MCTP1: variants seen among roughly 807,000 people sequenced by gnomAD.
The protein encoded by MCTP1 is multiple C2 and transmembrane domain-containing protein 1.
MCTP1 carries 69 observed loss-of-function variants against 120.6 expected under a neutral mutation model. The observed-to-expected ratio is 0.57, with a 90% confidence interval of 0.47 to 0.70. The LOEUF (loss-of-function observed/expected upper bound fraction) is 0.70. MCTP1 is among the 30% of genes least tolerant of loss of function. The probability of loss-of-function intolerance (pLI) is 0.00; values close to 1 mark genes in which losing one functional copy is unlikely to be tolerated. For synonymous variants in MCTP1, 529 were observed against 493.1 expected, an observed-to-expected ratio of 1.07 and a Z score of -0.96; for missense variants, 1,203 against 1,248.8, an observed-to-expected ratio of 0.96 and a Z score of 0.55.
chr5:94,897,823 C>A (rs1804472048), intron 10 of MCTP1, among the ~76,000 whole-genome samples: 1 of 152,154 alleles, frequency 6.6e-6, no homozygotes, highest in Admixed American at 6.5e-5. Flanking sequence ...GATCTTCTCC[C>A]TCCTCCCAAA....
chr5:94,969,087 A>AT (rs984197637), intron 2 of MCTP1, among the ~76,000 whole-genome samples: 4 of 152,152 alleles, frequency 2.6e-5, no homozygotes, highest in African/African-American at 7.2e-5. Context: ...GGAAATATCA[A>AT]TTTTTTCTAA....
chr5:94,886,615 C>T (rs1199849461), intron 12 of MCTP1, among the ~76,000 whole-genome samples: 1 of 152,120 alleles, frequency 6.6e-6, no homozygotes. Flanking sequence ...AGACAGTTAC[C>T]AGTGATTTAA....
rs192598041 is a variant in MCTP1, at chr5:95,092,078, T to C, written c.721-74594A>G. On this transcript the variant is annotated intron_variant, in intron 1 of 22. Transcript: ENST00000515393. ...GTAGAAGCAGAACATTTCACAAAAC[T>C]ATCATTTCTGATAATGTGGAAATTA... is the stretch of plus-strand genomic sequence containing the variant. Among the ~76,000 whole-genome samples the C allele has an allele frequency of 1.2e-3, 189 of 152,350 alleles. 1 individual carries two copies. The highest frequency in any genetic ancestry group is 4.3e-3 in the African/African-American group (178 of 41,588).
chr5:94,716,265 G>C (rs1350171525), intron 19 of MCTP1, among the ~76,000 whole-genome samples: 1 of 152,092 alleles, frequency 6.6e-6, no homozygotes, highest in African/African-American at 2.4e-5. Flanking sequence ...TAGACGAGAC[G>C]CATAAAGCTT....
At chr5:95,230,642 G>T (rs1268317185) in intron 1 of MCTP1, among the ~76,000 whole-genome samples, 1 of 152,178 alleles carries the variant, frequency 6.6e-6, no homozygotes, top group Non-Finnish European at 1.5e-5. Context: ...TTTGCAGTCA[G>T]ACCTTGGCAA....
intron 1 of MCTP1, among the ~76,000 whole-genome samples, chr5:95,254,276 G>T (rs189307459): frequency 6.6e-6 from 1 of 152,220 alleles, no homozygotes; most frequent in East Asian, 1.9e-4. Flanking sequence ...GGCTCCCTAC[G>T]TACCAACCAC....
rs70978130 is a variant in MCTP1 at position 94,774,207 on chromosome 5, C to CA, written c.2610+4902dup. Among the ~76,000 whole-genome samples the CA allele has an allele frequency of 8.6e-3, 36 of 4,180 alleles. 12 individuals are homozygous for CA. The highest frequency in any genetic ancestry group is 1 in the Middle Eastern group (2 of 2). The allele number at this position is 4,180 out of a possible 152,430, so 2.7% of individuals were successfully genotyped here. On this transcript the variant is annotated intron_variant, in intron 19 of 22. Coordinates refer to ENST00000515393, the MANE Select transcript of MCTP1 (RefSeq NM_024717.7). ...TGGGCGACAGAGCAAGACTCCGTCTCAAAAAAAAAAAAAAAAAAAAAAAAA... is the reference window on the plus strand; with the variant it reads ...TGGGCGACAGAGCAAGACTCCGTCTCAAAAAAAAAAAAAAAAAAAAAAAAAA...
chr5:94,847,709 TG>T, intron 17 of MCTP1, among the ~76,000 whole-genome samples: 1 of 149,968 alleles, frequency 6.7e-6, no homozygotes, highest in Non-Finnish European at 1.5e-5. Flanking sequence ...TATATATGTA[TG>T]TTGGGGGTGT....
chr5:94,877,838 G>C (rs1219116066), intron 12 of MCTP1: 2 of 152,162 alleles, frequency 1.3e-5, no homozygotes, highest in East Asian at 1.9e-4. Context: ...CCGGAATATA[G>C]AGTTAATCCT....
At chr5:94,772,828 T>C (rs951637641) in intron 19 of MCTP1, among the ~76,000 whole-genome samples, 2 of 152,156 alleles carry the variant, frequency 1.3e-5, no homozygotes, top group African/African-American at 4.8e-5. Context: ...GAAAACCTAG[T>C]CATAAGGAAG....
intron 1 of MCTP1, among the ~76,000 whole-genome samples, chr5:95,271,755 A>T (rs1356134592): frequency 6.6e-5 from 10 of 151,758 alleles, no homozygotes; most frequent in Non-Finnish European, 1.3e-4. Flanking sequence ...TAATTACAAA[A>T]CATTATATAT....
intron 2 of MCTP1, among the ~76,000 whole-genome samples, chr5:94,998,544 A>G (rs1833053833): frequency 6.6e-6 from 1 of 152,200 alleles, no homozygotes; most frequent in Non-Finnish European, 1.5e-5. Flanking sequence ...TCTGAGCCAG[A>G]GCAAACAGTC....
In MCTP1 at chr5:95,110,282, C is replaced by T. The variant is rs557277593; in HGVS notation, c.721-92798G>A. Among the ~76,000 whole-genome samples, 16 of 152,044 alleles carry T rather than the reference C, an allele frequency of 1.1e-4. No individual in the cohort carries two copies. In the South Asian group the frequency reaches 3.1e-3, roughly 30 times the overall value. On this transcript the variant is annotated intron_variant, in intron 1 of 22. Transcript: ENST00000515393. ...TGCTAGAAAGCAGCCACCCAGCCAGCGACACTTCCTCTTGCATCTAGGTGG... is the reference window on the plus strand; with the variant it reads ...TGCTAGAAAGCAGCCACCCAGCCAGTGACACTTCCTCTTGCATCTAGGTGG...
At chr5:94,863,368 C>T (rs1796177106) in intron 17 of MCTP1, among the ~76,000 whole-genome samples, 1 of 151,824 alleles carries the variant, frequency 6.6e-6, no homozygotes, top group African/African-American at 2.4e-5. Flanking sequence ...AAAAACTCTT[C>T]TATAAAAATC....
chr5:95,284,185 G>A lies in MCTP1; in HGVS notation c.391C>T (p.Pro131Ser). ...LRRRIREHLL[P>S]AVKGPAAASG... is the part of the protein sequence containing the mutation. ...GCCGCCGCGGGCCCCTTTACGGCGGGGAGCAAATGCTCGCGGATCCGGCGG... is the reference window on the plus strand; with the variant it reads ...GCCGCCGCGGGCCCCTTTACGGCGGAGAGCAAATGCTCGCGGATCCGGCGG... The change falls in exon 1 of 23, where the codon CCC (proline) becomes TCC (serine). Residue 131 changes from proline (P) to serine (S), a missense_variant. By Grantham distance (74) the Pro-to-Ser change is moderately conservative. This residue lies in a region of MCTP1 where 463 missense variants were observed against 377.8 expected (regional missense o/e 1.23). Coordinates refer to ENST00000515393, the MANE Select transcript of MCTP1 (RefSeq NM_024717.7). This position sits in a 1 kb window ranked among gnomAD's most constrained non-coding sequence, Gnocchi z 5.2. 1 of 1,544,942 alleles carries A rather than the reference G, an allele frequency of 6.5e-7. No homozygotes were observed. Among genetic ancestry groups the A allele is most frequent in the Non-Finnish European group, 8.7e-7 (1 of 1,146,568 alleles).
At chr5:94,778,477 G>C (rs1169574655) in intron 19 of MCTP1, among the ~76,000 whole-genome samples, 1 of 152,024 alleles carries the variant, frequency 6.6e-6, no homozygotes, top group Non-Finnish European at 1.5e-5. Context: ...CTCCCTAGGG[G>C]ACAACCAATC....
chr5:94,723,872 G>GA (rs951610153), intron 19 of MCTP1, among the ~76,000 whole-genome samples: 7 of 150,306 alleles, frequency 4.7e-5, no homozygotes, highest in Non-Finnish European at 4.4e-5. Flanking sequence ...GGAAAGAATG[G>GA]AAAAAAAAGA....
At chr5:94,709,369 G>A (rs895209659) in intron 21 of MCTP1, 2 of 152,036 alleles carry the variant, frequency 1.3e-5, no homozygotes, top group African/African-American at 4.8e-5. Flanking sequence ...GAAACAAGAG[G>A]CCCAAACACA....
intron 2 of MCTP1, among the ~76,000 whole-genome samples, chr5:94,996,298 T>C (rs1832610059): frequency 6.6e-6 from 1 of 152,228 alleles, no homozygotes; most frequent in African/African-American, 2.4e-5. Context: ...GGATGTAAAC[T>C]TGAATGTAAG....
Sources: gnomAD v4.1 joint callset for allele counts (sites outside exome capture counted in the v4.1 genomes callset) on GRCh38, gnomAD v4.1.1 for gene constraint, gnomAD v4.1.1 regional missense constraint, Gnocchi (gnomAD v3.1) non-coding constraint, MANE v1.5 for transcripts, NCBI Gene and HGNC (gene_info 2026-07-23, HGNC 2026-07-21) for gene names.